The following HSD17B14 variants were observed in gnomAD, a reference collection of about 807,000 sequenced individuals.
The protein encoded by HSD17B14 is hydroxysteroid 17-beta dehydrogenase 14.
Under a neutral mutation model 32.2 loss-of-function variants are expected in HSD17B14, and 32 were observed. The observed-to-expected ratio is 0.99, with a 90% CI of 0.75 to 1.33. HSD17B14 has a LOEUF of 1.33. Among genes scored for constraint, HSD17B14 ranks in the 40% most tolerant of loss-of-function variants. The pLI, the probability that HSD17B14 is intolerant of heterozygous loss-of-function variation, is 0.00. For missense variants in HSD17B14, 370 were observed against 366.5 expected (o/e 1.01, Z -0.08); for synonymous variants, 140 against 155.4 (o/e 0.90, Z 0.74).
chr19:48,828,044 C>A (rs1482568663), intron 5 of HSD17B14, among the ~76,000 whole-genome samples: 1 of 151,806 alleles, frequency 6.6e-6, no homozygotes, highest in Non-Finnish European at 1.5e-5. Context: ...TTAGTAGAGA[C>A]GGGGTTTCAC....
At position 48,820,874 on chromosome 19, in the gene HSD17B14, A is replaced by T. The variant is rs947639834; in HGVS notation, c.370-5733T>A. On this transcript the variant is annotated intron_variant, in intron 5 of 8. Transcript: ENST00000263278. ...AGAAAAAAAAAGACAAAAATAAAAA[A>T]AAATAAATAAGTAGAGACAGGTTTT... Among the ~76,000 whole-genome samples the T allele has an allele frequency of 7.4e-4, 113 of 152,140 alleles. 1 individual carries two copies. Among genetic ancestry groups the T allele is most frequent in the Non-Finnish European group, 1.9e-4 (13 of 68,008 alleles).
At chr19:48,820,446 G>T (rs1234611784) in intron 5 of HSD17B14, among the ~76,000 whole-genome samples, 2 of 151,832 alleles carry the variant, frequency 1.3e-5, no homozygotes, top group African/African-American at 2.4e-5. Context: ...CTCCAGCCTG[G>T]GTGAAAGAGT....
intron 5 of HSD17B14, 36 bp from the exon 6 acceptor site, chr19:48,815,177 C>T (rs2122736220): frequency 6.6e-7 from 1 of 1,510,802 alleles, no homozygotes; most frequent in Non-Finnish European, 9.2e-7. Flanking sequence ...CTACACAAGC[C>T]CTGCATCTTC....
intron 5 of HSD17B14, among the ~76,000 whole-genome samples, chr19:48,826,018 C>T (rs531884231): frequency 5.9e-5 from 9 of 151,942 alleles, no homozygotes; most frequent in Admixed American, 4.6e-4. Context: ...GATGGGGTTT[C>T]ACCGTGTTAG....
At chr19:48,829,656 T>TTTTTG in intron 5 of HSD17B14, among the ~76,000 whole-genome samples, 1 of 145,612 alleles carries the variant, frequency 6.9e-6, no homozygotes, top group Non-Finnish European at 1.5e-5. Context: ...TTTTTTTTTT[T>TTTTTG]TGTGAGACGG....
chr19:48,830,440 A>C (rs1053870822), intron 5 of HSD17B14, among the ~76,000 whole-genome samples: 1 of 151,492 alleles, frequency 6.6e-6, no homozygotes, highest in Non-Finnish European at 1.5e-5. Context: ...TGCCTGCTTT[A>C]CTTCTGTAAG....
intron 5 of HSD17B14, among the ~76,000 whole-genome samples, chr19:48,831,246 G>A (rs538315521): frequency 5.3e-5 from 8 of 152,252 alleles, no homozygotes; most frequent in Non-Finnish European, 8.8e-5. Context: ...GTAGAGATTC[G>A]CAGTCATTTA....
chr19:48,816,808 TTTCTTTCTTTCTTTC>T (rs141601281), intron 5 of HSD17B14, among the ~76,000 whole-genome samples: 32,928 of 144,820 alleles, frequency 0.23, 3,733 homozygotes, highest in Admixed American at 0.26. Flanking sequence ...TCTTTCTTTC[TTTCTTTCTTTCTTTC>T]TTTTCTTTCT....
rs762912280 is a variant in HSD17B14, at chr19:48,835,835, C to G, written c.97G>C (p.Gly33Arg). ...AGIVRAFVNS[G>R]ARVVICDKDE... is the part of the protein sequence containing the mutation. ...TTGTCGCAGATAACCACTCGGGCCC[C>G]GCTGTTCACTGAGAATAGGAAGGGA... Residue 33 changes from glycine to arginine, a missense_variant, in exon 2 of 9, where the codon GGG becomes CGG. Physicochemically the swap from Gly to Arg is moderately radical, Grantham distance 125. Transcript: ENST00000263278. 6.2e-7 allele frequency: 1 copy of G among 1,613,480 alleles called. No individual in the cohort carries two copies. Among genetic ancestry groups the G allele is most frequent in the Non-Finnish European group, 8.5e-7 (1 of 1,179,732 alleles).
At chr19:48,834,736 G>A (rs1208425891) in intron 2 of HSD17B14, among the ~76,000 whole-genome samples, 1 of 104,468 alleles carries the variant, frequency 9.6e-6, no homozygotes, top group African/African-American at 4.8e-5. Flanking sequence ...GGGTCTGAGG[G>A]AGGAGGGGCT....
intron 3 of HSD17B14, 110 bp from the exon 4 acceptor site, chr19:48,832,842 C>T (rs1211145754): frequency 1.2e-5 from 11 of 889,870 alleles, no homozygotes; most frequent in Non-Finnish European, 2.0e-5. Flanking sequence ...CAACTTCAGC[C>T]TCCTGCGTTC....
chr19:48,826,105 C>T (rs1043134243), intron 5 of HSD17B14, among the ~76,000 whole-genome samples: 11 of 152,076 alleles, frequency 7.2e-5, no homozygotes, highest in Admixed American at 2.6e-4. Context: ...CAGGCGTGAG[C>T]CACCGTGCCC....
At chr19:48,821,875 C>G in intron 5 of HSD17B14, among the ~76,000 whole-genome samples, 1 of 145,560 alleles carries the variant, frequency 6.9e-6, no homozygotes, top group Non-Finnish European at 1.5e-5. Flanking sequence ...TAGTGATGAT[C>G]ATGATGGTGA....
chr19:48,818,314 AAAAG>A (rs2035090474), intron 5 of HSD17B14, among the ~76,000 whole-genome samples: 4 of 88,282 alleles, frequency 4.5e-5, no homozygotes, highest in Admixed American at 2.5e-4. Context: ...GTCTCAAAAA[AAAAG>A]AAAAAAGAAA....
chr19:48,822,613 T>C (rs894033949), intron 5 of HSD17B14, among the ~76,000 whole-genome samples: 1 of 151,044 alleles, frequency 6.6e-6, no homozygotes. Context: ...ATGGTGATGA[T>C]TGTGGTAATG....
At chr19:48,815,827 G>C (rs924942390) in intron 5 of HSD17B14, among the ~76,000 whole-genome samples, 1 of 152,064 alleles carries the variant, frequency 6.6e-6, no homozygotes, top group South Asian at 2.1e-4. Context: ...TTTGAGACCA[G>C]CCTGGCCAAC....
chr19:48,821,921 ATGT>A (rs1171608456), intron 5 of HSD17B14, among the ~76,000 whole-genome samples: 1 of 89,224 alleles, frequency 1.1e-5, no homozygotes, highest in Admixed American at 1.3e-4. Flanking sequence ...GATAATGGTG[ATGT>A]TGGTGAGGAT....
chr19:48,816,492 C>G (rs1055782431), intron 5 of HSD17B14, among the ~76,000 whole-genome samples: 2 of 152,142 alleles, frequency 1.3e-5, no homozygotes, highest in Admixed American at 6.6e-5. Flanking sequence ...TTAGGGTGGC[C>G]AGCCATCCCA....
At chr19:48,817,595 T>C (rs894704418) in intron 5 of HSD17B14, among the ~76,000 whole-genome samples, 4 of 152,316 alleles carry the variant, frequency 2.6e-5, no homozygotes, top group Middle Eastern at 3.4e-3. Context: ...ATATATATTT[T>C]ACTTGTTTGT....
Sources: gnomAD v4.1 joint callset for allele counts (sites outside exome capture counted in the v4.1 genomes callset) on GRCh38, gnomAD v4.1.1 for gene constraint, MANE v1.5 for transcripts, NCBI Gene and HGNC (gene_info 2026-07-23, HGNC 2026-07-21) for gene names.